Variants in RSF1 observed in about 807,000 individuals in gnomAD.
RSF1 encodes remodeling and spacing factor 1, also known as HBV pX-associated protein 8.
A neutral mutation model predicts 145.2 loss-of-function variants in RSF1; 13 were observed. The ratio of observed to expected loss-of-function variants is 0.09; its 90% CI spans 0.06 to 0.14. The LOEUF is 0.14. RSF1 is among the 10% of genes least tolerant of loss of function. The probability of loss-of-function intolerance (pLI) is 1.00; values close to 1 mark genes in which losing one functional copy is unlikely to be tolerated. For synonymous variants in RSF1, 577 were observed against 592.6 expected, an observed-to-expected ratio of 0.97 and a Z score of 0.38; for missense variants, 1,517 against 1,718.2, an observed-to-expected ratio of 0.88 and a Z score of 2.07.
At chr11:77,763,978 T>C (rs539473792) in intron 2 of RSF1, 3 of 152,268 alleles carry the variant, frequency 2.0e-5, no homozygotes, top group Admixed American at 6.5e-5. Flanking sequence ...ATCAACTAGA[T>C]GGCCCCATCT....
intron 5 of RSF1, among the ~76,000 whole-genome samples, chr11:77,719,922 CAA>C (rs1455611190): frequency 1.3e-5 from 2 of 152,034 alleles, no homozygotes; most frequent in Non-Finnish European, 2.9e-5. Context: ...TGAAATGCTA[CAA>C]AGAGACAAAT....
intron 1 of RSF1, among the ~76,000 whole-genome samples, chr11:77,782,569 AACTACTGCCCACAAGGGCTGTATGC>A (rs1948415005): frequency 6.6e-6 from 1 of 152,132 alleles, no homozygotes; most frequent in African/African-American, 2.4e-5. Context: ...AGGATTAGCA[AACTACTGCCCACAAGGGCTGTATGC>A]AGCATATTAC....
intron 13 of RSF1, among the ~76,000 whole-genome samples, chr11:77,676,229 G>A (rs929119719): frequency 1.3e-5 from 2 of 150,926 alleles, no homozygotes; most frequent in African/African-American, 4.9e-5. Context: ...ACTTTCCTCT[G>A]TAGCCTAATT....
chr11:77,858,904 A>G, the RSF1 span, among the ~76,000 whole-genome samples: 1 of 152,254 alleles, frequency 6.6e-6, no homozygotes, highest in African/African-American at 2.4e-5. Flanking sequence ...CAAGGAGGTT[A>G]GAGATACAGG....
intron 1 of RSF1, among the ~76,000 whole-genome samples, chr11:77,784,480 G>A (rs918537593): frequency 1.5e-4 from 23 of 150,716 alleles, no homozygotes; most frequent in Non-Finnish European, 4.4e-5. Flanking sequence ...TGCTTCTTTG[G>A]GTTCATTTTT....
chr11:77,843,482 C>T, the RSF1 span, among the ~76,000 whole-genome samples: 1 of 152,122 alleles, frequency 6.6e-6, no homozygotes, highest in African/African-American at 2.4e-5. Context: ...GAGAAAGAGT[C>T]TTGTGTTCTT....
At chr11:77,870,288 A>G in the RSF1 span, among the ~76,000 whole-genome samples, 72 of 145,160 alleles carry the variant, frequency 5.0e-4, no homozygotes, top group Non-Finnish European at 9.7e-4. Flanking sequence ...CCAAAATGCT[A>G]GGATTACAAA....
At chr11:77,810,685 T>C (rs1948721939) in intron 1 of RSF1, among the ~76,000 whole-genome samples, 1 of 152,140 alleles carries the variant, frequency 6.6e-6, no homozygotes, top group South Asian at 2.1e-4. Context: ...GGCAGCCTCC[T>C]AGGTAGCTGG....
intron 11 of RSF1, among the ~76,000 whole-genome samples, 188 bp downstream of exon 11, chr11:77,683,522 G>A (rs1394797173): frequency 2.0e-5 from 3 of 149,924 alleles, no homozygotes; most frequent in African/African-American, 7.4e-5. Context: ...TGGCCAACAA[G>A]AGCGAGACTC....
At chr11:77,819,206 T>C (rs1322161339) in intron 1 of RSF1, among the ~76,000 whole-genome samples, 1 of 152,214 alleles carries the variant, frequency 6.6e-6, no homozygotes, top group African/African-American at 2.4e-5. Flanking sequence ...TCTTGTACAA[T>C]AACCAATCCA....
chr11:77,798,582 A>T (rs1402414064), intron 1 of RSF1, among the ~76,000 whole-genome samples: 2 of 7,544 alleles, frequency 2.7e-4, no homozygotes, highest in East Asian at 2.2e-3. Context: ...ACTCCATCTT[A>T]AAAAAAAAAA....
At chr11:77,708,072 C>T (rs1960594073) in intron 5 of RSF1, among the ~76,000 whole-genome samples, 1 of 152,074 alleles carries the variant, frequency 6.6e-6, no homozygotes, top group South Asian at 2.1e-4. Context: ...AAGTAAGAAA[C>T]CCAGTGTGTT....
the RSF1 span, among the ~76,000 whole-genome samples, chr11:77,832,762 A>G: frequency 3.3e-5 from 5 of 150,640 alleles, no homozygotes; most frequent in Admixed American, 3.3e-4. Context: ...AATTTTTTGT[A>G]TACCCAGGCT....
the RSF1 span, among the ~76,000 whole-genome samples, chr11:77,857,881 G>C: frequency 1.3e-5 from 2 of 151,980 alleles, no homozygotes; most frequent in Non-Finnish European, 2.9e-5. Flanking sequence ...ATTTTTAGTA[G>C]AGACAGGGTT....
intron 14 of RSF1, among the ~76,000 whole-genome samples, chr11:77,673,210 G>T (rs1959603318): frequency 6.6e-6 from 1 of 152,156 alleles, no homozygotes; most frequent in South Asian, 2.1e-4. Context: ...CAGAACTCAA[G>T]ATATATTTTT....
At chr11:77,851,628 A>C in the RSF1 span, 3 of 152,090 alleles carry the variant, frequency 2.0e-5, no homozygotes, top group African/African-American at 7.2e-5. Context: ...TGTCTTGGTG[A>C]TAGTGAGTGA....
chr11:77,724,291 A>G (rs1961002469), intron 5 of RSF1, among the ~76,000 whole-genome samples: 1 of 152,218 alleles, frequency 6.6e-6, no homozygotes, highest in African/African-American at 2.4e-5. Context: ...ATGTAAAATG[A>G]TGCAACTGCT....
intron 5 of RSF1, among the ~76,000 whole-genome samples, chr11:77,716,003 C>T (rs1960798531): frequency 6.6e-6 from 1 of 151,918 alleles, no homozygotes; most frequent in Non-Finnish European, 1.5e-5. Flanking sequence ...AAATTGCCCA[C>T]AAGTATCAAA....
At chr11:77,736,862 A>G (rs1961365797) in intron 4 of RSF1, among the ~76,000 whole-genome samples, 1 of 152,208 alleles carries the variant, frequency 6.6e-6, no homozygotes, top group Non-Finnish European at 1.5e-5. Flanking sequence ...TTACATCACC[A>G]ATTGTTTAGC....
Sources: gnomAD v4.1 joint callset for allele counts (sites outside exome capture counted in the v4.1 genomes callset) on GRCh38, gnomAD v4.1.1 for gene constraint, MANE v1.5 for transcripts, NCBI Gene and HGNC (gene_info 2026-07-23, HGNC 2026-07-21) for gene names.